NCALD: variants seen among roughly 807,000 people sequenced by gnomAD.
NCALD encodes neurocalcin-delta.
A neutral mutation model predicts 18.6 loss-of-function variants in NCALD; 10 were observed. That is an observed-to-expected ratio of 0.54 (90% CI 0.33 to 0.91). The LOEUF is 0.91. NCALD is among the 40% of genes least tolerant of loss of function. The pLI is 0.03. For synonymous variants in NCALD, 88 were observed against 87.4 expected (o/e 1.01, Z -0.04); for missense variants, 184 against 247.6 (o/e 0.74, Z 1.72).
At chr8:102,120,512 T>G (rs573692082) in intron 1 of NCALD, among the ~76,000 whole-genome samples, 1 of 152,276 alleles carries the variant, frequency 6.6e-6, no homozygotes, top group African/African-American at 2.4e-5. Flanking sequence ...TACAACGAGA[T>G]GGGGCCTCAA....
chr8:102,019,580 C>T (rs534231762), intron 2 of NCALD, among the ~76,000 whole-genome samples: 14 of 152,226 alleles, frequency 9.2e-5, no homozygotes, highest in African/African-American at 2.9e-4. Context: ...TGTCAAGTTC[C>T]ACCATACATT....
At chr8:101,870,891 G>GCC (rs1204536923) in intron 4 of NCALD, among the ~76,000 whole-genome samples, 106 of 24,258 alleles carry the variant, frequency 4.4e-3, no homozygotes, top group Non-Finnish European at 5.2e-3. Flanking sequence ...CTCTACCACC[G>GCC]CCCCCACCCC....
At chr8:101,885,031 A>C (rs1338744208) in intron 4 of NCALD, among the ~76,000 whole-genome samples, 4 of 152,330 alleles carry the variant, frequency 2.6e-5, no homozygotes, top group East Asian at 1.9e-4. Flanking sequence ...AAACGCATTC[A>C]TTCTTTTAAG....
intron 3 of NCALD, among the ~76,000 whole-genome samples, chr8:101,915,287 G>A (rs79892807): frequency 0.096 from 14,562 of 152,174 alleles, 774 homozygotes; most frequent in East Asian, 0.18. Context: ...GCCTTGCAGT[G>A]GTGAGGACCT....
intron 4 of NCALD, among the ~76,000 whole-genome samples, chr8:101,800,476 A>C (rs2131072499): frequency 6.6e-6 from 1 of 152,240 alleles, no homozygotes. Context: ...AAAGAGCAAT[A>C]AATAATAATA....
rs1224391928 is a variant in NCALD at position 101,741,958 on chromosome 8, AG to A, written c.-19-22311del. On this transcript the variant is annotated intron_variant, in intron 1 of 3. Coordinates refer to ENST00000220931, the MANE Select transcript of NCALD (RefSeq NM_032041.3). Reference sequence around the variant, plus strand: ...TCTCAAAAAAAAAAAAAAAAAGAAAAGAAAAAAAAAAAGGGCCGGGTGCGGT... The same window carrying A: ...TCTCAAAAAAAAAAAAAAAAAGAAAAAAAAAAAAAAAGGGCCGGGTGCGGT... Among the ~76,000 whole-genome samples, 3 of 73,978 alleles carry A rather than the reference AG, an allele frequency of 4.1e-5. No homozygotes were observed. The East Asian group carries it at 1.3e-3, about 33-fold the overall frequency. 48.5% of individuals were successfully genotyped at this position (73,978 alleles called of 152,430 possible).
At chr8:101,775,204 T>C (rs1811742980) in intron 1 of NCALD, among the ~76,000 whole-genome samples, 1 of 152,192 alleles carries the variant, frequency 6.6e-6, no homozygotes, top group Non-Finnish European at 1.5e-5. Flanking sequence ...ACTTCATAAC[T>C]TACTGTCCCC....
intron 1 of NCALD, among the ~76,000 whole-genome samples, chr8:101,771,093 C>A (rs1440740139): frequency 6.6e-6 from 1 of 152,112 alleles, no homozygotes; most frequent in East Asian, 1.9e-4. Context: ...TTCTACCTAC[C>A]CCCTCCAAAA....
chr8:101,871,512 C>G (rs1816017461), intron 4 of NCALD, among the ~76,000 whole-genome samples: 1 of 151,792 alleles, frequency 6.6e-6, no homozygotes, highest in Non-Finnish European at 1.5e-5. Context: ...TCTGCAGGCA[C>G]TTACTTCAGC....
intron 1 of NCALD, among the ~76,000 whole-genome samples, chr8:102,101,273 T>C (rs1238344001): frequency 6.6e-6 from 1 of 152,242 alleles, no homozygotes; most frequent in Non-Finnish European, 1.5e-5. Flanking sequence ...GTGGATATTA[T>C]GATTTTTCAG....
Position 101,943,978 on chromosome 8 carries a change from AC to A in NCALD, c.-156-28121del, listed in dbSNP as rs774546572. Reference sequence around the variant, plus strand: ...CAAAAAACAAAAAACAAACAAACAAACAAAAAAAAACAGAAAAAAACAGGGG... The same window carrying A: ...CAAAAAACAAAAAACAAACAAACAAAAAAAAAAAACAGAAAAAAACAGGGG... On this transcript the variant is annotated intron_variant, in intron 2 of 6. Coordinates refer to the NCALD transcript ENST00000311028. Among the ~76,000 whole-genome samples, 539 of 100,940 alleles carry A rather than the reference AC, an allele frequency of 5.3e-3. 4 individuals carry two copies. Among genetic ancestry groups the A allele is most frequent in the African/African-American group, 0.016 (481 of 30,216 alleles). 66.2% of individuals were successfully genotyped at this position (100,940 alleles called of 152,430 possible).
chr8:102,000,091 C>T (rs903878887), intron 2 of NCALD, among the ~76,000 whole-genome samples: 4 of 152,206 alleles, frequency 2.6e-5, no homozygotes, highest in South Asian at 2.1e-4. Context: ...CGAGGCATTG[C>T]CTCACCCAGG....
At chr8:102,067,881 C>G (rs138964267) in intron 1 of NCALD, among the ~76,000 whole-genome samples, 1 of 152,330 alleles carries the variant, frequency 6.6e-6, no homozygotes, top group Non-Finnish European at 1.5e-5. Flanking sequence ...TTCTCTCTTT[C>G]CTGGTCTAAT....
At chr8:101,881,812 T>C (rs930574432) in intron 4 of NCALD, among the ~76,000 whole-genome samples, 3 of 152,254 alleles carry the variant, frequency 2.0e-5, no homozygotes, top group Non-Finnish European at 4.4e-5. Flanking sequence ...CTTATAATTC[T>C]GGTTTCATAA....
At chr8:101,776,506 A>G (rs535565674) in intron 1 of NCALD, among the ~76,000 whole-genome samples, 52 of 152,224 alleles carry the variant, frequency 3.4e-4, no homozygotes, top group Non-Finnish European at 6.0e-4. Flanking sequence ...AAGCACTCCA[A>G]CCTCTGGGGA....
chr8:101,963,433 C>A (rs1235874029), intron 2 of NCALD, among the ~76,000 whole-genome samples: 2 of 152,140 alleles, frequency 1.3e-5, no homozygotes, highest in Non-Finnish European at 2.9e-5. Flanking sequence ...CTGTTTCCTG[C>A]AACCTATCAA....
At chr8:101,921,460 C>A (rs781145068) in intron 2 of NCALD, among the ~76,000 whole-genome samples, 1 of 151,960 alleles carries the variant, frequency 6.6e-6, no homozygotes, top group East Asian at 1.9e-4. Context: ...ACGTAACTAC[C>A]AATTTCTGTA....
intron 1 of NCALD, among the ~76,000 whole-genome samples, chr8:102,088,908 T>C (rs1356747805): frequency 6.6e-6 from 1 of 152,210 alleles, no homozygotes; most frequent in East Asian, 1.9e-4. Flanking sequence ...TGGTGTGTAA[T>C]AACTAGGTAG....
chr8:102,100,708 C>T (rs1825248038), intron 1 of NCALD, among the ~76,000 whole-genome samples: 1 of 152,192 alleles, frequency 6.6e-6, no homozygotes, highest in African/African-American at 2.4e-5. Context: ...TACAGTGAGA[C>T]ATTATTCAAC....
Sources: allele counts gnomAD v4.1 joint callset (sites outside exome capture counted in the v4.1 genomes callset), GRCh38; gene constraint gnomAD v4.1.1; transcripts MANE v1.5; gene names NCBI Gene and HGNC (gene_info 2026-07-23, HGNC 2026-07-21).